The following TRRAP variants were observed in gnomAD, a reference collection of about 807,000 sequenced individuals.
The protein encoded by TRRAP is transformation/transcription domain-associated protein.
In TRRAP, 41 loss-of-function variants were observed where a neutral mutation model predicts 438.8. That is an observed-to-expected ratio of 0.09 (90% confidence interval 0.07 to 0.12). TRRAP has a LOEUF of 0.12. TRRAP is among the 10% of genes least tolerant of loss of function. TRRAP has a pLI of 1.00. For missense variants in TRRAP, 3,122 were observed against 5,055.1 expected, an observed-to-expected ratio of 0.62 and a Z score of 11.60; for synonymous variants, 1,994 against 1,962.9, an observed-to-expected ratio of 1.02 and a Z score of -0.42.
At chr7:99,010,938 T>C in intron 70 of TRRAP, 114 bp from the exon 71 acceptor site, 3 of 1,089,924 alleles carry the variant, frequency 2.8e-6, no homozygotes, top group Non-Finnish European at 4.0e-6. Context: ...GTCACCAGAA[T>C]TTACAGAATT....
chr7:98,958,179 TC>T (rs1554420316), intron 44 of TRRAP, 88 bp downstream of exon 44: 3 of 1,144,060 alleles, frequency 2.6e-6, no homozygotes, highest in African/African-American at 3.2e-5. Flanking sequence ...GGCAATTTCA[TC>T]AAAAAAGATA....
At chr7:98,985,855 T>C (rs1029089579) in intron 62 of TRRAP, among the ~76,000 whole-genome samples, 2 of 152,250 alleles carry the variant, frequency 1.3e-5, no homozygotes, top group Non-Finnish European at 2.9e-5. Context: ...TTAGTATATT[T>C]ACAGTGTTAC....
At chr7:98,930,375 G>A (rs1421988440) in intron 24 of TRRAP, among the ~76,000 whole-genome samples, 169 bp downstream of exon 24, 2 of 152,108 alleles carry the variant, frequency 1.3e-5, no homozygotes, top group South Asian at 2.1e-4. Flanking sequence ...TTGGGAGTTC[G>A]AGACCAGCCT....
At chr7:98,897,032 C>T (rs918618609) in intron 7 of TRRAP, among the ~76,000 whole-genome samples, 3 of 152,014 alleles carry the variant, frequency 2.0e-5, no homozygotes, top group Non-Finnish European at 4.4e-5. Flanking sequence ...GCTGGGAGTT[C>T]GAGACCAGCT....
rs780445029 is a variant in TRRAP, at chr7:98,983,395, C to T, written c.8958C>T (p.Pro2986=). 3.1e-6 allele frequency: 5 copies of T among 1,614,166 alleles called. No homozygotes were observed. The South Asian group carries it at 5.5e-5, about 18-fold the overall frequency. ...TGAAGACCTGGAGGAACCGACTGCC[C>T]ATCGTGTCTGACGACTTGTCCCACT... is the stretch of plus-strand genomic sequence containing the variant. The part of the protein sequence containing the change: ...TVVKTWRNRL[P]IVSDDLSHWS... Residue 2986 remains proline, a synonymous_variant, in exon 60 of 73, where the codon CCC becomes CCT. Transcript: ENST00000456197.
At position 98,956,738 on chromosome 7, in the gene TRRAP, C is replaced by T. The variant is rs782218016; in HGVS notation, c.6231+205C>T. ...ACCAGACATGCTTGCCTCATGCGTT[C>T]AGTTCATACCATTAAAGTTCTGTTG... On this transcript the variant is annotated intron_variant, in intron 43 of 72. Transcript: ENST00000456197. The surrounding 1 kb of genome is among the most constrained non-coding windows in gnomAD (Gnocchi z 4.5). Among the ~76,000 whole-genome samples, 2 of 152,190 alleles carry T rather than the reference C, an allele frequency of 1.3e-5. No homozygotes were observed. Among genetic ancestry groups the T allele is most frequent in the Non-Finnish European group, 2.9e-5 (2 of 68,034 alleles).
chr7:98,903,944 A>G (rs937500999), intron 12 of TRRAP, among the ~76,000 whole-genome samples: 1 of 152,084 alleles, frequency 6.6e-6, no homozygotes, highest in African/African-American at 2.4e-5. Flanking sequence ...CAAGTAGCAG[A>G]AATTACAGGC....
At chr7:98,925,349 C>T in intron 22 of TRRAP, 86 bp downstream of exon 22, 1 of 1,540,470 alleles carries the variant, frequency 6.5e-7, no homozygotes, top group East Asian at 2.3e-5. Flanking sequence ...TTTCCTGGTG[C>T]TAGGAGCAGG....
In TRRAP at chr7:98,975,606, A is replaced by G. The variant is rs145105922; in HGVS notation, c.7840-543A>G. The stretch of plus-strand genomic sequence containing the variant: ...TCTAGTTGTCCAGGCGTTCCGTTCC[A>G]GTCCGTTCCATTCTCTTCTGTTCTG... On this transcript the variant is annotated intron_variant, in intron 53 of 72. Transcript: ENST00000456197. 8.1e-4 allele frequency among the ~76,000 whole-genome samples: 124 copies of G among 152,290 alleles called. 1 individual carries two copies. Among genetic ancestry groups the G allele is most frequent in the African/African-American group, 2.9e-3 (120 of 41,552 alleles).
In TRRAP at chr7:98,904,934, T is replaced by C. The variant is rs1554407275; in HGVS notation, c.1037-1243T>C. Among the ~76,000 whole-genome samples, 3 of 152,326 alleles carry C rather than the reference T, an allele frequency of 2.0e-5. No homozygotes were observed. In the East Asian group the frequency reaches 5.8e-4, roughly 29 times the overall value. ...CTTACTTTTTTGGCACCTGCAACGT[T>C]ATCAAGTGGTAACTCATTTTCACTC... On this transcript the variant is annotated intron_variant, in intron 12 of 72. Coordinates refer to ENST00000456197, the MANE Select transcript of TRRAP (RefSeq NM_001375524.1).
Position 98,924,272 on chromosome 7 carries a change from A to G in TRRAP, c.2824-840A>G, listed in dbSNP as rs782335036. Reference sequence around the variant, plus strand: ...TTGGCATTTTAATTTGAACTGTGCAATTCCTTGTTTTGTAATACTTCCACC... The same window carrying G: ...TTGGCATTTTAATTTGAACTGTGCAGTTCCTTGTTTTGTAATACTTCCACC... On this transcript the variant is annotated intron_variant, in intron 21 of 72. Transcript: ENST00000456197. 3.7e-4 allele frequency among the ~76,000 whole-genome samples: 56 copies of G among 152,202 alleles called. 1 individual carries two copies. The highest frequency in any genetic ancestry group is 7.2e-5 in the African/African-American group (3 of 41,428).
At chr7:98,953,089 C>G in intron 39 of TRRAP, 78 bp from the exon 40 acceptor site, 1 of 1,503,644 alleles carries the variant, frequency 6.7e-7, no homozygotes, top group Non-Finnish European at 9.0e-7. Flanking sequence ...GTTTTTAAGG[C>G]TTAAACCTGT....
chr7:98,885,875 T>C (rs1554403879), intron 3 of TRRAP, among the ~76,000 whole-genome samples: 2 of 152,218 alleles, frequency 1.3e-5, no homozygotes. Context: ...TAAATATCTG[T>C]AAATATCTGA....
Position 98,914,775 on chromosome 7 carries a change from A to G in TRRAP, c.2200-948A>G, listed in dbSNP as rs1304098674. On this transcript the variant is annotated intron_variant, in intron 18 of 72. Transcript: ENST00000456197. ...CAGAAAAAGAATGTTGGAATGTTTA[A>G]GAAAAGTATTCAAGGAACAATTTTC... is the stretch of plus-strand genomic sequence containing the variant. Among the ~76,000 whole-genome samples, 8 of 150,910 alleles carry G rather than the reference A, an allele frequency of 5.3e-5. 1 individual carries two copies. The highest frequency in any genetic ancestry group is 5.3e-4 in the Admixed American group (8 of 15,172).
intron 33 of TRRAP, among the ~76,000 whole-genome samples, chr7:98,946,565 ACAC>A (rs1791077348): frequency 6.7e-6 from 1 of 149,738 alleles, no homozygotes; most frequent in African/African-American, 2.5e-5. Flanking sequence ...ACATGCACAC[ACAC>A]CACACGCGCA....
Position 98,908,827 on chromosome 7 carries a change from C to T in TRRAP, c.1215C>T (p.Asn405=), listed in dbSNP as rs1554407980. ...TCGCCGTCCAGCTCTTCGCCAAGAA[C>T]ATCGACGATGAGTCCCTGCCCAGCA... ...LSLAVQLFAK[N]IDDESLPSSI... The change falls in exon 14 of 73, where the codon AAC becomes AAT. Residue 405 remains asparagine (N), a synonymous_variant. Coordinates refer to ENST00000456197, the MANE Select transcript of TRRAP (RefSeq NM_001375524.1). The surrounding 1 kb of genome is among the most constrained non-coding windows in gnomAD (Gnocchi z 4.1). 4 of 1,612,538 alleles carry T rather than the reference C, an allele frequency of 2.5e-6. No homozygotes were observed. Among genetic ancestry groups the T allele is most frequent in the Admixed American group, 1.7e-5 (1 of 59,790 alleles).
In TRRAP at chr7:98,878,973, G is replaced by C. The variant is rs563032618; in HGVS notation, c.-62+336G>C. 2.2e-3 allele frequency among the ~76,000 whole-genome samples: 337 copies of C among 152,244 alleles called. 4 individuals are homozygous for C. The highest frequency in any genetic ancestry group is 0.016 in the Admixed American group (247 of 15,312). On this transcript the variant is annotated intron_variant, in intron 1 of 72. Transcript: ENST00000456197. ...GGGCCGTTTGTGAGCTGAGAGGTCG[G>C]GTGGGACGTTGGGGGCCTGTCCCTC...
intron 61 of TRRAP, 133 bp downstream of exon 61, chr7:98,984,491 A>G: frequency 9.0e-7 from 1 of 1,109,288 alleles, no homozygotes; most frequent in Non-Finnish European, 1.2e-6. Flanking sequence ...AGCCTCAGTA[A>G]GGGGGAAACA....
intron 58 of TRRAP, among the ~76,000 whole-genome samples, chr7:98,981,310 G>T (rs219843): frequency 0.18 from 28,025 of 152,116 alleles, 6,167 homozygotes; most frequent in African/African-American, 0.54. Flanking sequence ...GCTGAGGCAG[G>T]AGAATAGCTT....
Sources: gnomAD v4.1 joint callset for allele counts (sites outside exome capture counted in the v4.1 genomes callset) on GRCh38, gnomAD v4.1.1 for gene constraint, Gnocchi (gnomAD v3.1) non-coding constraint, MANE v1.5 for transcripts, NCBI Gene and HGNC (gene_info 2026-07-23, HGNC 2026-07-21) for gene names.